CREB5: variants seen among roughly 807,000 people sequenced by gnomAD.
The protein encoded by CREB5 is cyclic AMP-responsive element-binding protein 5.
CREB5 carries 19 observed loss-of-function variants against 57.1 expected under a neutral mutation model. The ratio of observed to expected loss-of-function variants is 0.33; its 90% CI spans 0.23 to 0.49. CREB5 has a LOEUF of 0.49. CREB5 is among the 20% of genes least tolerant of loss of function. The pLI, the probability that CREB5 is intolerant of heterozygous loss-of-function variation, is 0.99. For missense variants in CREB5, 579 were observed against 671.6 expected (o/e 0.86, Z 1.52); for synonymous variants, 238 against 238.3 (o/e 1.00, Z 0.01).
At chr7:28,614,758 C>T (rs1007309862) in intron 5 of CREB5, among the ~76,000 whole-genome samples, 2 of 152,036 alleles carry the variant, frequency 1.3e-5, no homozygotes, top group African/African-American at 4.8e-5. Context: ...AAAGGTTAGG[C>T]TAATGTCCCC....
chr7:28,427,101 G>A (rs1788538097), intron 1 of CREB5, among the ~76,000 whole-genome samples: 1 of 152,122 alleles, frequency 6.6e-6, no homozygotes. Context: ...TAATATTTTA[G>A]AAATCAAAAA....
chr7:28,798,008 G>T (rs949890489), intron 7 of CREB5, among the ~76,000 whole-genome samples: 1 of 152,064 alleles, frequency 6.6e-6, no homozygotes, highest in African/African-American at 2.4e-5. Flanking sequence ...GGCCACAGAG[G>T]CCAATTATTT....
chr7:28,354,590 G>T (rs1321548047), intron 1 of CREB5, among the ~76,000 whole-genome samples: 1 of 152,132 alleles, frequency 6.6e-6, no homozygotes, highest in Non-Finnish European at 1.5e-5. Context: ...TCCCTCCAGA[G>T]AACCCTGACT....
At chr7:28,646,526 G>T (rs1482302732) in intron 5 of CREB5, among the ~76,000 whole-genome samples, 1 of 152,148 alleles carries the variant, frequency 6.6e-6, no homozygotes, top group South Asian at 2.1e-4. Flanking sequence ...TATGTTAACA[G>T]TGCAAAAGGT....
chr7:28,426,880 C>T (rs1477414005), intron 1 of CREB5, among the ~76,000 whole-genome samples: 1 of 152,186 alleles, frequency 6.6e-6, no homozygotes, highest in Non-Finnish European at 1.5e-5. Context: ...TGGTGACACA[C>T]AGTAGATGGC....
At chr7:28,312,191 T>TAAA (rs10692775) in intron 1 of CREB5, among the ~76,000 whole-genome samples, 62 of 147,344 alleles carry the variant, frequency 4.2e-4, no homozygotes, top group African/African-American at 1.2e-3. Flanking sequence ...AGCTAATTGA[T>TAAA]AAAAAAAAAA....
At chr7:28,483,428 C>G (rs79003466) in intron 1 of CREB5, among the ~76,000 whole-genome samples, 4,394 of 152,244 alleles carry the variant, frequency 0.029, 157 homozygotes, top group African/African-American at 0.085. Context: ...CCTCAACTCA[C>G]TTTATGTGCT....
chr7:28,548,627 A>G lies in CREB5; in HGVS notation c.292-21738A>G, dbSNP rs137972357. On this transcript the variant is annotated intron_variant, in intron 4 of 10. Coordinates refer to ENST00000357727, the MANE Select transcript of CREB5 (RefSeq NM_182898.4). ...CAAAATTCAGAGCATAGAAATTCCCATGATGCTAGCTCAGTAAATTTTCAA... is the reference window on the plus strand; with the variant it reads ...CAAAATTCAGAGCATAGAAATTCCCGTGATGCTAGCTCAGTAAATTTTCAA... Among the ~76,000 whole-genome samples the G allele has an allele frequency of 7.1e-3, 1,086 of 152,308 alleles. 12 individuals carry two copies. The highest frequency in any genetic ancestry group is 0.023 in the East Asian group (121 of 5,182).
intron 1 of CREB5, among the ~76,000 whole-genome samples, chr7:28,388,369 A>G (rs1466814019): frequency 6.6e-6 from 1 of 152,122 alleles, no homozygotes; most frequent in East Asian, 1.9e-4. Flanking sequence ...GGTTTTATGT[A>G]AGGTCTCGGT....
intron 1 of CREB5, among the ~76,000 whole-genome samples, chr7:28,359,092 C>T (rs564695664): frequency 6.6e-6 from 1 of 151,954 alleles, no homozygotes; most frequent in East Asian, 1.9e-4. Context: ...AATTTAAATT[C>T]TGTCATTTGT....
Position 28,693,929 on chromosome 7 carries a change from A to C in CREB5, c.465-24824A>C, listed in dbSNP as rs138025769. Among the ~76,000 whole-genome samples the C allele has an allele frequency of 4.3e-4, 65 of 152,348 alleles. No homozygotes were observed. In the East Asian group the frequency reaches 0.012, roughly 28 times the overall value. ...AAAGGTAAACCAAGTCACAGAATGCAGGTGAGGTCATGAGTGGGTGGAGAG... is the reference window on the plus strand; with the variant it reads ...AAAGGTAAACCAAGTCACAGAATGCCGGTGAGGTCATGAGTGGGTGGAGAG... On this transcript the variant is annotated intron_variant, in intron 5 of 10. Transcript: ENST00000357727.
intron 7 of CREB5, among the ~76,000 whole-genome samples, chr7:28,750,652 T>A (rs1315660810): frequency 6.6e-6 from 1 of 152,198 alleles, no homozygotes; most frequent in African/African-American, 2.4e-5. Flanking sequence ...CTTATTGTAT[T>A]TTAATTGGTA....
At chr7:28,379,084 A>G (rs549788892) in intron 1 of CREB5, among the ~76,000 whole-genome samples, 3 of 152,346 alleles carry the variant, frequency 2.0e-5, no homozygotes, top group African/African-American at 7.2e-5. Context: ...ACTTTCCCTC[A>G]TACTTTCATG....
At chr7:28,409,753 C>T (rs1244550553), upstream of CREB5, 3 of 369,050 alleles carry the variant, frequency 8.1e-6, no homozygotes, top group Admixed American at 3.3e-5. The surrounding 1 kb of genome is among the most constrained non-coding windows in gnomAD (Gnocchi z 4.4). Flanking sequence ...CCGGAGCGCT[C>T]GGTGGCCGCC....
Position 28,372,086 on chromosome 7 carries a change from A to G in CREB5, c.-25+72645A>G, listed in dbSNP as rs1466524994. On this transcript the variant is annotated intron_variant, in intron 1 of 9. Coordinates refer to the CREB5 transcript ENST00000396299. ...GATGCTGTTAGCAGTGGGGAACATCAGGTCACACTAGCTCTGTGCCAGGCG... is the reference window on the plus strand; with the variant it reads ...GATGCTGTTAGCAGTGGGGAACATCGGGTCACACTAGCTCTGTGCCAGGCG... Among the ~76,000 whole-genome samples, 5 of 152,298 alleles carry G rather than the reference A, an allele frequency of 3.3e-5. No individual in the cohort carries two copies. In the South Asian group the frequency reaches 8.3e-4, roughly 25 times the overall value.
intron 5 of CREB5, among the ~76,000 whole-genome samples, chr7:28,682,409 A>C (rs538814340): frequency 1.4e-4 from 21 of 152,350 alleles, no homozygotes; most frequent in African/African-American, 5.1e-4. Context: ...CAGAGGGTTC[A>C]CTGGAAGCAA....
chr7:28,536,125 G>T lies in CREB5; in HGVS notation c.291+28388G>T, dbSNP rs180830646. 1.2e-3 allele frequency among the ~76,000 whole-genome samples: 186 copies of T among 152,254 alleles called. 1 individual carries two copies. The highest frequency in any genetic ancestry group is 1.8e-3 in the Non-Finnish European group (123 of 68,010). On this transcript the variant is annotated intron_variant, in intron 4 of 10. Transcript: ENST00000357727. ...ATGTTGCAGAGAAAACACGCTGTCTGCCTATGTCTGCTGAGAAACCAGCAA... is the reference window on the plus strand; with the variant it reads ...ATGTTGCAGAGAAAACACGCTGTCTTCCTATGTCTGCTGAGAAACCAGCAA...
intron 4 of CREB5, among the ~76,000 whole-genome samples, chr7:28,533,450 T>A (rs1182167156): frequency 6.6e-6 from 1 of 152,244 alleles, no homozygotes; most frequent in Non-Finnish European, 1.5e-5. Flanking sequence ...ACAGTTGCTG[T>A]CCTTTCCTGT....
chr7:28,411,651 G>A (rs1333408927), upstream of CREB5, among the ~76,000 whole-genome samples: 2 of 152,142 alleles, frequency 1.3e-5, no homozygotes, highest in South Asian at 4.2e-4. Context: ...AGAGGGGATT[G>A]GAGTGGTCCC....
Sources: allele counts gnomAD v4.1 joint callset (sites outside exome capture counted in the v4.1 genomes callset), GRCh38; gene constraint gnomAD v4.1.1; non-coding constraint Gnocchi (gnomAD v3.1); transcripts MANE v1.5; gene names NCBI Gene and HGNC (gene_info 2026-07-23, HGNC 2026-07-21).